Variants in CYP2A13 observed in about 807,000 individuals in gnomAD.
The protein encoded by CYP2A13 is cytochrome P450 family 2 subfamily A member 13.
CYP2A13 carries 30 observed loss-of-function variants against 39.4 expected under a neutral mutation model. That is an observed-to-expected ratio of 0.76 (90% CI 0.57 to 1.03). CYP2A13 has a LOEUF of 1.03. Ranked by LOEUF, CYP2A13 falls within the 50% of genes least tolerant of loss-of-function variation. CYP2A13 has a pLI of 0.00. For synonymous variants in CYP2A13, 269 were observed against 254.7 expected (o/e 1.06, Z -0.54); for missense variants, 731 against 648.4 (o/e 1.13, Z -1.38).
intron 4 of CYP2A13, 94 bp from the exon 5 acceptor site, chr19:41,091,638 G>A (rs768134348): frequency 1.3e-4 from 195 of 1,547,136 alleles, no homozygotes; most frequent in Non-Finnish European, 1.6e-4. Context: ...CTTTAACTCC[G>A]TTCCTTCCTT....
intron 8 of CYP2A13, 116 bp downstream of exon 8, chr19:41,095,216 G>C: frequency 6.3e-7 from 1 of 1,599,102 alleles, no homozygotes; most frequent in South Asian, 1.1e-5. Flanking sequence ...GTTCCTGTTA[G>C]AATCTACCAT....
At chr19:41,093,809 C>T (rs1291831345) in intron 6 of CYP2A13, 38 bp downstream of exon 6, 37 of 1,607,602 alleles carry the variant, frequency 2.3e-5, no homozygotes, top group Non-Finnish European at 3.1e-5. Flanking sequence ...GGGCCCCAGA[C>T]CCTCAAAACT....
At chr19:41,094,109 G>A in intron 6 of CYP2A13, 136 bp from the exon 7 acceptor site, 1 of 1,382,478 alleles carries the variant, frequency 7.2e-7, no homozygotes, top group East Asian at 2.5e-5. Flanking sequence ...GCGAATGGCT[G>A]ATGTCTGTTC....
intron 4 of CYP2A13, among the ~76,000 whole-genome samples, chr19:41,091,087 C>A (rs909352832): frequency 1.3e-5 from 2 of 152,136 alleles, no homozygotes; most frequent in African/African-American, 4.8e-5. Context: ...GACAGGTGCC[C>A]TAACCAATAC....
Position 41,088,643 on chromosome 19 carries a change from C to T in CYP2A13, c.172C>T (p.Leu58Phe), listed in dbSNP as rs981836979. The T allele has an allele frequency of 2.5e-5, 40 of 1,613,438 alleles. No homozygotes were observed. Among genetic ancestry groups the T allele is most frequent in the Non-Finnish European group, 3.1e-5 (36 of 1,179,630 alleles). ...GAACACAGAGCAGATGTACAACTCC[C>T]TCATGAAGGTGTCCTAAGGCAGGGA... ...QLNTEQMYNS[L>F]MKISERYGPV... is the part of the protein sequence containing the mutation. Residue 58 changes from leucine to phenylalanine, a missense_variant, in exon 1 of 9, where the codon CTC becomes TTC. Coordinates refer to ENST00000330436, the MANE Select transcript of CYP2A13 (RefSeq NM_000766.5).
At chr19:41,091,013 T>G (rs1429596150) in intron 4 of CYP2A13, among the ~76,000 whole-genome samples, 4 of 152,164 alleles carry the variant, frequency 2.6e-5, no homozygotes, top group African/African-American at 9.7e-5. Context: ...ATGTCACAGA[T>G]TAGCCCACTG....
At chr19:41,091,146 G>T (rs1217041819) in intron 4 of CYP2A13, among the ~76,000 whole-genome samples, 8 of 152,106 alleles carry the variant, frequency 5.3e-5, no homozygotes, top group Non-Finnish European at 2.9e-5. Context: ...ACCCAAATAA[G>T]TGTTCCCCAA....
rs2031305992 is a variant in CYP2A13 at position 41,096,109 on chromosome 19, G to T, written c.*168G>T. 2 of 1,002,020 alleles carry T rather than the reference G, an allele frequency of 2.0e-6. No homozygotes were observed. Among genetic ancestry groups the T allele is most frequent in the Non-Finnish European group, 2.9e-6 (2 of 684,032 alleles). 62.1% of individuals were successfully genotyped at this position (1,002,020 alleles called of 1,614,324 possible). ...CAGAAGGGGCTCAGTTCACCTTGAT[G>T]ATGTCCTTCAGAGCTGTGATGAGAG... On this transcript the variant is annotated 3_prime_UTR_variant, in exon 9 of 9. Transcript: ENST00000330436.
In CYP2A13 at chr19:41,088,535, T is replaced by G; in HGVS notation, c.64T>G (p.Ser22Ala). The G allele has an allele frequency of 6.2e-7, 1 of 1,614,050 alleles. No homozygotes were observed. The highest frequency in any genetic ancestry group is 1.7e-4 in the Middle Eastern group (1 of 6,056). ...LACLTVMVLM[S>A]VWRQRKSRGK... ...CTGCCTGACTGTGATGGTCTTGATG[T>G]CAGTCTGGCGGCAGAGGAAGAGCAG... The change falls in exon 1 of 9, where the codon TCA becomes GCA. Residue 22 changes from serine (S) to alanine (A), a missense_variant. Physicochemically the swap from Ser to Ala is moderately conservative, Grantham distance 99. Coordinates refer to ENST00000330436, the MANE Select transcript of CYP2A13 (RefSeq NM_000766.5).
At chr19:41,093,897 A>G (rs1469948597) in intron 6 of CYP2A13, 126 bp downstream of exon 6, 1 of 1,158,904 alleles carries the variant, frequency 8.6e-7, no homozygotes, top group African/African-American at 1.6e-5. Context: ...CAGAGACAGG[A>G]CAATATTCAG....
rs761118346 is a variant in CYP2A13, at chr19:41,090,097, A to G, written c.394A>G (p.Ile132Val). 1.2e-6 allele frequency: 2 copies of G among 1,612,716 alleles called. No individual in the cohort carries two copies. The highest frequency in any genetic ancestry group is 1.7e-6 in the Non-Finnish European group (2 of 1,179,500). The change falls in exon 3 of 9, where the codon ATC becomes GTC. Residue 132 changes from isoleucine (I) to valine (V), a missense_variant. Transcript: ENST00000330436. ...ERAKQLRRFS[I>V]ATLRGFGVGK... is the part of the protein sequence containing the mutation. The stretch of plus-strand genomic sequence containing the variant: ...CGCCAAGCAGCTCCGGCGCTTCTCC[A>G]TCGCCACCCTAAGGGGTTTTGGCGT...
intron 7 of CYP2A13, 123 bp downstream of exon 7, chr19:41,094,555 A>T (rs2031260975): frequency 8.7e-7 from 1 of 1,147,520 alleles, no homozygotes; most frequent in African/African-American, 1.6e-5. Flanking sequence ...TCAGTCAAAA[A>T]AGACTTCCCC....
Position 41,089,100 on chromosome 19 carries a change from G to C in CYP2A13, c.343+9G>C. The C allele has an allele frequency of 2.5e-6, 4 of 1,611,832 alleles. No homozygotes were observed. Among genetic ancestry groups the C allele is most frequent in the Non-Finnish European group, 3.4e-6 (4 of 1,179,622 alleles). ...GCTCTTCAAAGGCTATGGTGAGGGG[G>C]TGCCCAAGAGGGGGAAGGTGGCCAG... is the stretch of plus-strand genomic sequence containing the variant. On this transcript the variant is annotated intron_variant, in intron 2 of 8. Transcript: ENST00000330436.
intron 4 of CYP2A13, 40 bp downstream of exon 4, chr19:41,090,604 C>T (rs1483089491): frequency 1.1e-5 from 17 of 1,613,590 alleles, no homozygotes; most frequent in Non-Finnish European, 1.4e-5. Flanking sequence ...CCTACCACAA[C>T]CTGCCAACTG....
At position 41,094,275 on chromosome 19, in the gene CYP2A13, T is replaced by C. The variant is rs1218340738; in HGVS notation, c.1004T>C (p.Ile335Thr). 1 of 1,614,050 alleles carries C rather than the reference T, an allele frequency of 6.2e-7. No homozygotes were observed. Among genetic ancestry groups the C allele is most frequent in the South Asian group, 1.1e-5 (1 of 91,080 alleles). Residue 335 changes from isoleucine (I) to threonine (T), a missense_variant, in exon 7 of 9, where the codon ATC becomes ACC. Ile to Thr is a moderately conservative substitution (Grantham distance 89). Transcript: ENST00000330436. ...AKVHEEIDRV[I>T]GKNRQPKFED... The stretch of plus-strand genomic sequence containing the variant: ...GTCCATGAGGAGATTGACAGAGTGA[T>C]CGGCAAGAACCGGCAGCCCAAGTTT...
At chr19:41,095,178 T>C in intron 8 of CYP2A13, 78 bp downstream of exon 8, 1 of 1,612,564 alleles carries the variant, frequency 6.2e-7, no homozygotes, top group Middle Eastern at 1.7e-4. Context: ...CTCTCTGCGG[T>C]GTAGCCTGGT....
chr19:41,089,952 C>A lies in CYP2A13; in HGVS notation c.344-95C>A, dbSNP rs372684091. The A allele has an allele frequency of 2.0e-3, 2,864 of 1,417,246 alleles. 6 individuals are homozygous for A. Among genetic ancestry groups the A allele is most frequent in the South Asian group, 3.6e-3 (238 of 66,290 alleles). The allele number at this position is 1,417,246 out of a possible 1,614,324, so 87.8% of individuals were successfully genotyped here. A position where few individuals can be genotyped will look rare whatever the true frequency, so the allele number is the denominator to read the frequency against. On this transcript the variant is annotated intron_variant, in intron 2 of 8. Coordinates refer to ENST00000330436, the MANE Select transcript of CYP2A13 (RefSeq NM_000766.5). ...ATCCATCTCTCTCCCACCCCACTCC[C>A]TCTCTGCTCCACCCTTGGGGAGCCC...
intron 1 of CYP2A13, 123 bp downstream of exon 1, chr19:41,088,774 A>T (rs1032263218): frequency 6.5e-7 from 1 of 1,535,150 alleles, no homozygotes; most frequent in Non-Finnish European, 8.8e-7. Context: ...GAGTTTCAGC[A>T]TCAGGGTCCT....
intron 5 of CYP2A13, among the ~76,000 whole-genome samples, chr19:41,092,675 T>C (rs1451688763): frequency 1.3e-5 from 2 of 152,194 alleles, no homozygotes; most frequent in African/African-American, 2.4e-5. Context: ...TTAGCCACCA[T>C]GCTCTCTAAC....
Sources: gnomAD v4.1 joint callset for allele counts (sites outside exome capture counted in the v4.1 genomes callset) on GRCh38, gnomAD v4.1.1 for gene constraint, MANE v1.5 for transcripts, NCBI Gene and HGNC (gene_info 2026-07-23, HGNC 2026-07-21) for gene names.